Variants in FBXO28 observed in about 807,000 individuals in gnomAD.
FBXO28 encodes F-box protein 28.
In FBXO28, 8 loss-of-function variants were observed where a neutral mutation model predicts 38.1. That is an observed-to-expected ratio of 0.21 (90% CI 0.12 to 0.38). The LOEUF (loss-of-function observed/expected upper bound fraction) is 0.38. FBXO28 is among the 10% of genes least tolerant of loss of function. FBXO28 has a pLI of 1.00. For missense variants in FBXO28, 345 were observed against 460.6 expected (o/e 0.75, Z 2.30); for synonymous variants, 168 against 173.8 (o/e 0.97, Z 0.26).
At chr1:224,129,511 AAAAGAATTTTTTTTG>A (rs1485697463) in intron 1 of FBXO28, among the ~76,000 whole-genome samples, 11 of 152,358 alleles carry the variant, frequency 7.2e-5, no homozygotes, top group South Asian at 4.1e-4. Flanking sequence ...TTCTGACTAA[AAAAGAATTTTTTTTG>A]TTTCAAACTA....
rs1657806664 is a variant in FBXO28, at chr1:224,157,815, T to C, written c.*69T>C. On this transcript the variant is annotated 3_prime_UTR_variant, in exon 5 of 5. Coordinates refer to ENST00000366862, the MANE Select transcript of FBXO28 (RefSeq NM_015176.4). The stretch of plus-strand genomic sequence containing the variant: ...GCTTAAGCAGTTATGCATATCAGGA[T>C]ACTGTGAGCAACATGGTGTCCCTTA... The C allele has an allele frequency of 1.3e-6, 2 of 1,513,646 alleles. No homozygotes were observed. Among genetic ancestry groups the C allele is most frequent in the Non-Finnish European group, 1.8e-6 (2 of 1,136,154 alleles). 93.8% of individuals were successfully genotyped at this position (1,513,646 alleles called of 1,614,324 possible).
At chr1:224,148,400 C>T (rs1657561755) in intron 3 of FBXO28, among the ~76,000 whole-genome samples, 1 of 152,094 alleles carries the variant, frequency 6.6e-6, no homozygotes, top group East Asian at 1.9e-4. Context: ...CCTGCAATCC[C>T]AGCTCTTTGG....
intron 3 of FBXO28, among the ~76,000 whole-genome samples, chr1:224,145,166 G>A (rs1482502284): frequency 6.6e-6 from 1 of 151,390 alleles, no homozygotes; most frequent in Non-Finnish European, 1.5e-5. Flanking sequence ...GTGATGGCGG[G>A]CATCTGTAGT....
chr1:224,146,011 A>C (rs1486559405), intron 3 of FBXO28, among the ~76,000 whole-genome samples: 1 of 150,888 alleles, frequency 6.6e-6, no homozygotes, highest in East Asian at 1.9e-4. Flanking sequence ...GGTTGCGGTG[A>C]GCTGAGATTG....
intron 4 of FBXO28, among the ~76,000 whole-genome samples, chr1:224,154,345 T>A (rs536816795): frequency 1.3e-5 from 2 of 152,326 alleles, no homozygotes; most frequent in African/African-American, 4.8e-5. Context: ...CTACTAAATG[T>A]CTATCACTTC....
chr1:224,137,599 T>C (rs1201910018), intron 3 of FBXO28, among the ~76,000 whole-genome samples: 1 of 151,570 alleles, frequency 6.6e-6, no homozygotes, highest in Admixed American at 6.6e-5. Flanking sequence ...ACAGTAGCAA[T>C]AAAATTTTGA....
At position 224,114,162 on chromosome 1, in the gene FBXO28, G is replaced by A. The variant is rs1358694414; in HGVS notation, c.33G>A (p.Glu11=). The A allele has an allele frequency of 4.5e-6, 7 of 1,546,390 alleles. No homozygotes were observed. The highest frequency in any genetic ancestry group is 2.7e-5 in the African/African-American group (2 of 72,878). ...CAGCGGCGGAGGAGCGGATGGCAGA[G>A]GAAGGAGGCGGCGGCCAAGGCGACG... is the stretch of plus-strand genomic sequence containing the variant. MAAAAEERMA[E]EGGGGQGDGG... The change falls in exon 1 of 5, where the codon GAG becomes GAA. Residue 11 remains glutamate, a synonymous_variant. Transcript: ENST00000366862.
In FBXO28 at chr1:224,157,702, A is replaced by T. The variant is rs564364050; in HGVS notation, c.1063A>T (p.Ile355Leu). The T allele has an allele frequency of 1.7e-4, 277 of 1,613,024 alleles. 2 individuals carry two copies. In the South Asian group the frequency reaches 2.8e-3, roughly 16 times the overall value. ...GAAACGAAAAAAGGCCACGGAAGCC[A>T]TAGACTCTCTTAGGAAATCTAAACG... ...PRKRKKATEA[I>L]DSLRKSKRLR... Residue 355 changes from isoleucine (I) to leucine (L), a missense_variant, in exon 5 of 5, where the codon ATA (isoleucine) becomes TTA (leucine). Physicochemically the swap from Ile to Leu is conservative, Grantham distance 5. Transcript: ENST00000366862.
rs987706983 is a variant in FBXO28, at chr1:224,162,015, CAG to C, written c.*4270_*4271del. ...TGAAAAACACCTCCCGGTCACACAA[CAG>C]GGTACGTAAATAAATGTGTTGTTAC... On this transcript the variant is annotated 3_prime_UTR_variant, in exon 5 of 5. Transcript: ENST00000366862. 37 of 152,198 alleles carry C rather than the reference CAG, an allele frequency of 2.4e-4. No individual in the cohort carries two copies. The highest frequency in any genetic ancestry group is 8.7e-4 in the African/African-American group (36 of 41,448). 9.4% of individuals were successfully genotyped at this position (152,198 alleles called of 1,614,324 possible).
intron 3 of FBXO28, among the ~76,000 whole-genome samples, chr1:224,139,073 G>A (rs1294153383): frequency 6.6e-6 from 1 of 151,686 alleles, no homozygotes; most frequent in Non-Finnish European, 1.5e-5. Flanking sequence ...GTGAGCCACT[G>A]CGCCCAGCCC....
chr1:224,143,667 A>G (rs1406286737), intron 3 of FBXO28, among the ~76,000 whole-genome samples: 1 of 152,004 alleles, frequency 6.6e-6, no homozygotes, highest in Non-Finnish European at 1.5e-5. Flanking sequence ...TACTAAAAAT[A>G]CAAAAAATAA....
At chr1:224,124,522 A>T (rs1012603375) in intron 1 of FBXO28, among the ~76,000 whole-genome samples, 5 of 152,174 alleles carry the variant, frequency 3.3e-5, no homozygotes, top group Non-Finnish European at 4.4e-5. Flanking sequence ...GGGAAATAAA[A>T]TTTCTTCCCT....
In FBXO28 at chr1:224,160,570, AT is replaced by A. The variant is rs1190015383; in HGVS notation, c.*2826del. On this transcript the variant is annotated 3_prime_UTR_variant, in exon 5 of 5. Coordinates refer to ENST00000366862, the MANE Select transcript of FBXO28 (RefSeq NM_015176.4). ...CACTTGGCTTAACTGGTTTTCACAG[AT>A]TCTGAGGTTATAGAACCTGTTGTTT... 6.6e-6 allele frequency: 1 copy of A among 152,166 alleles called. No individual in the cohort carries two copies. The highest frequency in any genetic ancestry group is 2.4e-5 in the African/African-American group (1 of 41,426). The allele number at this position is 152,166 out of a possible 1,614,324, so 9.4% of individuals were successfully genotyped here.
At chr1:224,114,960 C>G (rs150674439) in intron 1 of FBXO28, among the ~76,000 whole-genome samples, 1 of 152,202 alleles carries the variant, frequency 6.6e-6, no homozygotes, top group Non-Finnish European at 1.5e-5. Flanking sequence ...AACGTGTTTA[C>G]TTAGCGTTAG....
chr1:224,129,546 C>T (rs1432371060), intron 1 of FBXO28, among the ~76,000 whole-genome samples: 1 of 152,112 alleles, frequency 6.6e-6, no homozygotes, highest in African/African-American at 2.4e-5. Context: ...ATTAAAAAAC[C>T]TTTAAATGTA....
chr1:224,125,711 G>C (rs913021582), intron 1 of FBXO28, among the ~76,000 whole-genome samples: 2 of 149,274 alleles, frequency 1.3e-5, no homozygotes, highest in African/African-American at 4.9e-5. Flanking sequence ...GTGCCGTCTC[G>C]GACCACTGTA....
intron 1 of FBXO28, among the ~76,000 whole-genome samples, chr1:224,125,632 T>G (rs1373823163): frequency 6.6e-6 from 1 of 150,916 alleles, no homozygotes; most frequent in African/African-American, 2.4e-5. Context: ...TGCAGAAGGA[T>G]ACTCATTCTC....
intron 3 of FBXO28, among the ~76,000 whole-genome samples, chr1:224,139,803 T>TACATACA (rs1657301456): frequency 2.0e-5 from 3 of 148,384 alleles, no homozygotes; most frequent in African/African-American, 4.9e-5. Context: ...CATACATACA[T>TACATACA]TTTGGCCAGG....
intron 3 of FBXO28, among the ~76,000 whole-genome samples, chr1:224,150,090 A>AAGGC (rs199618284): frequency 1.2e-4 from 3 of 25,432 alleles, no homozygotes; most frequent in Non-Finnish European, 7.4e-4. Context: ...TTGGGAGGCC[A>AAGGC]AGGCAGGCAG....
Sources: gnomAD v4.1 joint callset for allele counts (sites outside exome capture counted in the v4.1 genomes callset) on GRCh38, gnomAD v4.1.1 for gene constraint, MANE v1.5 for transcripts, NCBI Gene and HGNC (gene_info 2026-07-23, HGNC 2026-07-21) for gene names.